The following MALRD1 variants were observed in gnomAD, a reference collection of about 807,000 sequenced individuals.
MALRD1 encodes MAM and LDL-receptor class A domain-containing protein 1.
A neutral mutation model predicts 242.1 loss-of-function variants in MALRD1; 247 were observed. That is an observed-to-expected ratio of 1.02 (90% confidence interval 0.92 to 1.13). The LOEUF is 1.13. MALRD1 is among the 50% of genes most tolerant of loss of function. The pLI is 0.00. For missense variants in MALRD1, 2,989 were observed against 2,533.1 expected (o/e 1.18, Z -3.86); for synonymous variants, 995 against 866.6 (o/e 1.15, Z -2.60).
At chr10:19,212,317 A>G (rs1244359235) in intron 18 of MALRD1, among the ~76,000 whole-genome samples, 1 of 152,218 alleles carries the variant, frequency 6.6e-6, no homozygotes, top group Non-Finnish European at 1.5e-5. Context: ...CAAAAAATGT[A>G]TATAAATAAA....
chr10:19,256,067 C>G (rs1038884428), intron 18 of MALRD1, among the ~76,000 whole-genome samples: 1 of 152,056 alleles, frequency 6.6e-6, no homozygotes, highest in African/African-American at 2.4e-5. Context: ...CAGCTTCACT[C>G]TCTATGAAGT....
At chr10:19,180,387 C>G (rs1012982091) in intron 14 of MALRD1, among the ~76,000 whole-genome samples, 3 of 152,134 alleles carry the variant, frequency 2.0e-5, no homozygotes, top group South Asian at 2.1e-4. Context: ...GAAACATAAT[C>G]TATTACAGAG....
intron 28 of MALRD1, among the ~76,000 whole-genome samples, chr10:19,436,744 C>T (rs1363517071): frequency 1.3e-5 from 2 of 152,136 alleles, no homozygotes; most frequent in African/African-American, 2.4e-5. Flanking sequence ...TGCATTTCTT[C>T]CTGGCATACT....
At chr10:19,443,333 T>A (rs1014681325) in intron 28 of MALRD1, among the ~76,000 whole-genome samples, 1 of 152,224 alleles carries the variant, frequency 6.6e-6, no homozygotes, top group Admixed American at 6.5e-5. Flanking sequence ...AGTTCTGCTC[T>A]GATCATAGTT....
At position 19,384,503 on chromosome 10, in the gene MALRD1, CTATATAT is replaced by C. The variant is rs1845986095; in HGVS notation, c.4442-3011_4442-3005del. ...TATAGTGTATGTAATATAATATTTA[CTATATAT>C]TATATATTATATAGTGTATATAATA... On this transcript the variant is annotated intron_variant, in intron 26 of 39. Coordinates refer to ENST00000454679, the MANE Select transcript of MALRD1 (RefSeq NM_001142308.3). Among the ~76,000 whole-genome samples, 7 of 109,462 alleles carry C rather than the reference CTATATAT, an allele frequency of 6.4e-5. No homozygotes were observed. The South Asian group carries it at 1.7e-3, about 27-fold the overall frequency. The allele number at this position is 109,462 out of a possible 152,430, so 71.8% of individuals were successfully genotyped here.
In MALRD1 at chr10:19,639,614, T is replaced by G. The variant is rs143609131; in HGVS notation, c.6137+23691T>G. Among the ~76,000 whole-genome samples, 737 of 152,248 alleles carry G rather than the reference T, an allele frequency of 4.8e-3. 6 individuals carry two copies. The highest frequency in any genetic ancestry group is 4.9e-3 in the Non-Finnish European group (330 of 68,010). ...AGTGTGCATCTCAAGCCTTCCACCA[T>G]GTTAGTGTGAGAAATGACAGATACA... On this transcript the variant is annotated intron_variant, in intron 36 of 39. Transcript: ENST00000454679.
chr10:19,602,008 T>C (rs1389389543), intron 34 of MALRD1, among the ~76,000 whole-genome samples: 1 of 152,014 alleles, frequency 6.6e-6, no homozygotes, highest in East Asian at 1.9e-4. Context: ...TAGACACATA[T>C]TTTTGTGTGC....
chr10:19,427,982 C>G (rs1833964683), intron 28 of MALRD1, among the ~76,000 whole-genome samples: 1 of 152,110 alleles, frequency 6.6e-6, no homozygotes, highest in African/African-American at 2.4e-5. Context: ...ATTGCATACA[C>G]TAATTTCCTG....
intron 22 of MALRD1, among the ~76,000 whole-genome samples, chr10:19,324,998 A>G (rs1386294265): frequency 7.8e-6 from 1 of 127,520 alleles, no homozygotes; most frequent in Admixed American, 8.4e-5. Flanking sequence ...TTTTGCCTTC[A>G]GTAGTTGCTT....
intron 33 of MALRD1, among the ~76,000 whole-genome samples, chr10:19,592,761 A>ACGCGCG (rs1491143912): frequency 3.0e-5 from 4 of 132,822 alleles, no homozygotes; most frequent in African/African-American, 5.3e-5. Flanking sequence ...ACACACACAC[A>ACGCGCG]CGCACGCACA....
chr10:19,554,212 A>C (rs1278213254), intron 32 of MALRD1, among the ~76,000 whole-genome samples: 2 of 152,150 alleles, frequency 1.3e-5, no homozygotes, highest in Admixed American at 1.3e-4. Flanking sequence ...TTTGGCTCAC[A>C]GTTCTGTAGG....
Position 19,590,020 on chromosome 10 carries a change from A to G in MALRD1, c.5681-5174A>G, listed in dbSNP as rs146685858. Among the ~76,000 whole-genome samples the G allele has an allele frequency of 1.1e-3, 169 of 152,244 alleles. 2 individuals carry two copies. The highest frequency in any genetic ancestry group is 1.7e-3 in the Non-Finnish European group (116 of 68,016). On this transcript the variant is annotated intron_variant, in intron 33 of 39. Transcript: ENST00000454679. The stretch of plus-strand genomic sequence containing the variant: ...GCACGGTCACTGGCCTTACACCTCA[A>G]TGCCATTGGTTTTAAGCAGCCTGAC...
intron 19 of MALRD1, among the ~76,000 whole-genome samples, chr10:19,268,885 G>A (rs148843108): frequency 2.0e-4 from 30 of 152,288 alleles, no homozygotes; most frequent in African/African-American, 7.0e-4. Context: ...TCCATTTGGA[G>A]CCTGAGACAT....
intron 24 of MALRD1, among the ~76,000 whole-genome samples, chr10:19,342,233 G>C (rs887194611): frequency 6.6e-6 from 1 of 152,116 alleles, no homozygotes; most frequent in Non-Finnish European, 1.5e-5. Flanking sequence ...TAGTACACCA[G>C]TGTGCATTAT....
chr10:19,519,981 C>T (rs571239322), intron 31 of MALRD1, among the ~76,000 whole-genome samples: 1 of 152,180 alleles, frequency 6.6e-6, no homozygotes, highest in African/African-American at 2.4e-5. Flanking sequence ...CTAAATAGAA[C>T]ATGTCTTGTT....
intron 36 of MALRD1, among the ~76,000 whole-genome samples, chr10:19,622,031 C>G (rs1259291135): frequency 6.6e-6 from 1 of 151,676 alleles, no homozygotes; most frequent in African/African-American, 2.4e-5. Context: ...ATGGTAAAGT[C>G]TATATTCCCT....
chr10:19,213,449 G>A lies in MALRD1; in HGVS notation c.2991+3769G>A, dbSNP rs188083194. On this transcript the variant is annotated intron_variant, in intron 18 of 39. Transcript: ENST00000454679. Reference sequence around the variant, plus strand: ...GGGTTTCACCATATTGGTCAGGCTGGTCTTGAACTCCTGACTTCGTGATCC... The same window carrying A: ...GGGTTTCACCATATTGGTCAGGCTGATCTTGAACTCCTGACTTCGTGATCC... Among the ~76,000 whole-genome samples the A allele has an allele frequency of 4.6e-4, 70 of 152,240 alleles. 1 individual carries two copies. The South Asian group carries it at 0.011, about 25-fold the overall frequency.
rs1236145492 is a variant in MALRD1 at position 19,284,468 on chromosome 10, T to C, written c.3419+1287T>C. On this transcript the variant is annotated intron_variant, in intron 21 of 39. Transcript: ENST00000454679. ...TTCCTGTGTCCATGTGATCTCATTG[T>C]TCAATTCCCACCTATGAGTGAGAAT... Among the ~76,000 whole-genome samples, 4 of 145,076 alleles carry C rather than the reference T, an allele frequency of 2.8e-5. No homozygotes were observed. In the South Asian group the frequency reaches 9.1e-4, roughly 33 times the overall value.
intron 36 of MALRD1, among the ~76,000 whole-genome samples, chr10:19,618,897 G>A (rs1454157852): frequency 6.6e-6 from 1 of 151,868 alleles, no homozygotes; most frequent in Non-Finnish European, 1.5e-5. Flanking sequence ...TAAATATTGG[G>A]ACGTTAGACG....
Sources: allele counts gnomAD v4.1 joint callset (sites outside exome capture counted in the v4.1 genomes callset), GRCh38; gene constraint gnomAD v4.1.1; transcripts MANE v1.5; gene names NCBI Gene and HGNC (gene_info 2026-07-23, HGNC 2026-07-21).